The following CFAP157 variants were observed in gnomAD, a reference collection of about 807,000 sequenced individuals.
The protein encoded by CFAP157 is cilia and flagella associated protein 157, also known as cilia- and flagella-associated protein 157.
In CFAP157, 43 loss-of-function variants were observed where a neutral mutation model predicts 57.8. That is an observed-to-expected ratio of 0.74 (90% confidence interval 0.58 to 0.96). The LOEUF (loss-of-function observed/expected upper bound fraction) is 0.96. Among genes scored for constraint, CFAP157 ranks in the 40% least tolerant of loss-of-function variants. CFAP157 has a pLI of 0.00. For synonymous variants in CFAP157, 267 were observed against 269.0 expected (o/e 0.99, Z 0.07); for missense variants, 606 against 655.3 (o/e 0.92, Z 0.82).
chr9:127,715,378 C>T lies in CFAP157; in HGVS notation c.*1473C>T. ...TCCAGAAGGCTGGGCAGGCAGGGCG[C>T]CCTAGTGCAGGAACGGAGCTTCAAG... On this transcript the variant is annotated 3_prime_UTR_variant, in exon 9 of 9. Coordinates refer to ENST00000373295, the MANE Select transcript of CFAP157 (RefSeq NM_001012502.3). This position sits in a 1 kb window ranked among gnomAD's most constrained non-coding sequence, Gnocchi z 5.8. 1 of 1,263,386 alleles carries T rather than the reference C, an allele frequency of 7.9e-7. No homozygotes were observed. The highest frequency in any genetic ancestry group is 1.1e-6 in the Non-Finnish European group (1 of 895,516). The allele number at this position is 1,263,386 out of a possible 1,614,324, so 78.3% of individuals were successfully genotyped here. A position where few individuals can be genotyped will look rare whatever the true frequency, so the allele number is the denominator to read the frequency against.
Position 127,715,904 on chromosome 9 carries a change from A to G in CFAP157, c.*1999A>G. 1 of 771,920 alleles carries G rather than the reference A, an allele frequency of 1.3e-6. No homozygotes were observed. Among genetic ancestry groups the G allele is most frequent in the Non-Finnish European group, 2.0e-6 (1 of 491,524 alleles). The allele number at this position is 771,920 out of a possible 1,614,324, so 47.8% of individuals were successfully genotyped here. On this transcript the variant is annotated 3_prime_UTR_variant, in exon 9 of 9. Transcript: ENST00000373295. The surrounding 1 kb of genome is among the most constrained non-coding windows in gnomAD (Gnocchi z 5.8). ...TGACCTTCGGTTGGGAGGCCTTGTT[A>G]TGCCCCCCGCTATGGCCCTGACTTG... is the stretch of plus-strand genomic sequence containing the variant.
chr9:127,715,963 A>C lies in CFAP157; in HGVS notation c.*2058A>C, dbSNP rs549119976. The C allele has an allele frequency of 3.4e-6, 3 of 887,242 alleles. No individual in the cohort carries two copies. In the East Asian group the frequency reaches 7.3e-5, roughly 22 times the overall value. The allele number at this position is 887,242 out of a possible 1,614,324, so 55.0% of individuals were successfully genotyped here. A position where few individuals can be genotyped will look rare whatever the true frequency, so the allele number is the denominator to read the frequency against. The stretch of plus-strand genomic sequence containing the variant: ...ATCTGGCAAGTCCTTTCCCCGCTGT[A>C]GGCCTCAACCTCTCCAGCTAATAAA... On this transcript the variant is annotated 3_prime_UTR_variant, in exon 9 of 9. Transcript: ENST00000373295. The surrounding 1 kb of genome is among the most constrained non-coding windows in gnomAD (Gnocchi z 5.8).
In CFAP157 at chr9:127,707,072, T is replaced by C. The variant is rs1223206311; in HGVS notation, c.41T>C (p.Leu14Pro). 3.1e-6 allele frequency: 5 copies of C among 1,613,762 alleles called. No individual in the cohort carries two copies. The African/African-American group carries it at 4.0e-5, about 13-fold the overall frequency. The part of the protein sequence containing the change: ...KKSVSKAGKE[L>P]EVKKKGGKKE... ...AGTGTGAGCAAGGCAGGCAAGGAGC[T>C]TGAAGTCAAGAAGAAAGGGGGCAAG... The change falls in exon 1 of 9, where the codon CTT (leucine) becomes CCT (proline). Residue 14 changes from leucine (L) to proline (P), a missense_variant. Coordinates refer to ENST00000373295, the MANE Select transcript of CFAP157 (RefSeq NM_001012502.3).
rs1267327768 is a variant in CFAP157, at chr9:127,709,684, ATCATCC to A, written c.426_431del (p.Ile143_Leu144del). ...CAAGGACCAGCTCACCACGGAGAAC[ATCATCC>A]TTGGTGAGGAGGGGACTGGCTGGTG... On this transcript the variant is annotated inframe_deletion, in exon 2 of 9. Transcript: ENST00000373295. This position sits in a 1 kb window ranked among gnomAD's most constrained non-coding sequence, Gnocchi z 4.7. The A allele has an allele frequency of 1.9e-6, 3 of 1,613,038 alleles. No individual in the cohort carries two copies. In the African/African-American group the frequency reaches 4.0e-5, roughly 22 times the overall value.
intron 5 of CFAP157, 53 bp from the exon 6 acceptor site, chr9:127,712,146 C>T: frequency 6.2e-7 from 1 of 1,601,894 alleles, no homozygotes; most frequent in East Asian, 2.2e-5. Flanking sequence ...CCCCAGGTGG[C>T]CCCAGTCCTG....
Position 127,715,392 on chromosome 9 carries a change from C to A in CFAP157, c.*1487C>A, listed in dbSNP as rs1213452117. On this transcript the variant is annotated 3_prime_UTR_variant, in exon 9 of 9. Transcript: ENST00000373295. This position sits in a 1 kb window ranked among gnomAD's most constrained non-coding sequence, Gnocchi z 5.8. ...CAGGCAGGGCGCCCTAGTGCAGGAA[C>A]GGAGCTTCAAGAAGTTTGGAGCCCG... The A allele has an allele frequency of 2.3e-6, 3 of 1,315,116 alleles. No homozygotes were observed. The highest frequency in any genetic ancestry group is 1.5e-5 in the African/African-American group (1 of 68,566). The allele number at this position is 1,315,116 out of a possible 1,614,324, so 81.5% of individuals were successfully genotyped here.
chr9:127,712,638 T>G (rs1842793219), intron 6 of CFAP157, 71 bp from the exon 7 acceptor site: 1 of 1,612,038 alleles, frequency 6.2e-7, no homozygotes, highest in East Asian at 2.2e-5. Context: ...GGCACTGAGG[T>G]TGGAATTTCC....
At chr9:127,711,989 G>C (rs1451478687) in intron 5 of CFAP157, 39 bp downstream of exon 5, 1 of 1,579,970 alleles carries the variant, frequency 6.3e-7, no homozygotes, top group African/African-American at 1.3e-5. Context: ...GCGGGTGCAG[G>C]CTGGGGCCAA....
Position 127,709,751 on chromosome 9 carries a change from CCT to C in CFAP157, c.433+59_433+60del. ...CACACATCCCAGCTCTATCACTGAC[CCT>C]GTTTCTCACCTGGGAAACAGGGATA... On this transcript the variant is annotated intron_variant, in intron 2 of 8. Coordinates refer to ENST00000373295, the MANE Select transcript of CFAP157 (RefSeq NM_001012502.3). The surrounding 1 kb of genome is among the most constrained non-coding windows in gnomAD (Gnocchi z 4.7). 1 of 1,552,528 alleles carries C rather than the reference CCT, an allele frequency of 6.4e-7. No individual in the cohort carries two copies. Among genetic ancestry groups the C allele is most frequent in the Non-Finnish European group, 8.8e-7 (1 of 1,142,322 alleles).
chr9:127,711,764 T>TGA, intron 4 of CFAP157, 56 bp from the exon 5 acceptor site: 1 of 1,530,682 alleles, frequency 6.5e-7, no homozygotes, highest in Non-Finnish European at 8.8e-7. Context: ...CCTGGCTGTG[T>TGA]CTGCAGCTGG....
In CFAP157 at chr9:127,714,607, C is replaced by T. The variant is rs1842875086; in HGVS notation, c.*702C>T. On this transcript the variant is annotated 3_prime_UTR_variant, in exon 9 of 9. Coordinates refer to ENST00000373295, the MANE Select transcript of CFAP157 (RefSeq NM_001012502.3). ...CTGACCATCTCAGGACCTCACCTGG[C>T]ACTGCCCCCCAGCTTCAGAGCCAGT... 5.6e-6 allele frequency: 9 copies of T among 1,613,618 alleles called. No homozygotes were observed. Among genetic ancestry groups the T allele is most frequent in the Non-Finnish European group, 7.6e-6 (9 of 1,179,744 alleles).
Position 127,709,522 on chromosome 9 carries a change from A to G in CFAP157, c.262A>G (p.Lys88Glu), listed in dbSNP as rs2131586051. Residue 88 changes from lysine to glutamate, a missense_variant, in exon 2 of 9, where the codon AAG (lysine) becomes GAG (glutamate). Coordinates refer to ENST00000373295, the MANE Select transcript of CFAP157 (RefSeq NM_001012502.3). This position sits in a 1 kb window ranked among gnomAD's most constrained non-coding sequence, Gnocchi z 4.7. ...CAAGAAGGAGATTGTGGCCTTCCTC[A>G]AGCGCACGCTCAACCAGCAGGTGGA... is the stretch of plus-strand genomic sequence containing the variant. ...NNKKEIVAFL[K>E]RTLNQQVDEI... The G allele has an allele frequency of 1.2e-6, 2 of 1,614,102 alleles. No individual in the cohort carries two copies. Among genetic ancestry groups the G allele is most frequent in the East Asian group, 2.2e-5 (1 of 44,886 alleles).
rs1209167304 is a variant in CFAP157 at position 127,709,777 on chromosome 9, T to A, written c.433+84T>A. On this transcript the variant is annotated intron_variant, in intron 2 of 8. Transcript: ENST00000373295. This position sits in a 1 kb window ranked among gnomAD's most constrained non-coding sequence, Gnocchi z 4.7. The stretch of plus-strand genomic sequence containing the variant: ...CTGTTTCTCACCTGGGAAACAGGGA[T>A]AATAGCCACATGCTGCTTGGCACAC... 1 of 1,428,298 alleles carries A rather than the reference T, an allele frequency of 7.0e-7. No individual in the cohort carries two copies. Among genetic ancestry groups the A allele is most frequent in the Non-Finnish European group, 9.5e-7 (1 of 1,048,010 alleles). The allele number at this position is 1,428,298 out of a possible 1,614,324, so 88.5% of individuals were successfully genotyped here.
In CFAP157 at chr9:127,710,282, C is replaced by CAA. The variant is rs60165824; in HGVS notation, c.434-303_434-302dup. Among the ~76,000 whole-genome samples the CAA allele has an allele frequency of 1.4e-3, 119 of 82,566 alleles. 1 individual carries two copies. The highest frequency in any genetic ancestry group is 1.9e-3 in the African/African-American group (38 of 20,164). 54.2% of individuals were successfully genotyped at this position (82,566 alleles called of 152,430 possible). On this transcript the variant is annotated intron_variant, in intron 2 of 8. Transcript: ENST00000373295. Reference sequence around the variant, plus strand: ...TGAGTGACAGAGGAAGACCCTGTCTCAAAAAAAAAAAAAAAAACAAAACAG... The same window carrying CAA: ...TGAGTGACAGAGGAAGACCCTGTCTCAAAAAAAAAAAAAAAAAAACAAAACAG...
At chr9:127,708,414 T>G (rs1402150372) in intron 1 of CFAP157, among the ~76,000 whole-genome samples, 1 of 152,050 alleles carries the variant, frequency 6.6e-6, no homozygotes, top group South Asian at 2.1e-4. Context: ...GAGGCAGAGG[T>G]TGCAGAGAGC....
chr9:127,710,247 C>T (rs1211433693), intron 2 of CFAP157, among the ~76,000 whole-genome samples: 1 of 147,792 alleles, frequency 6.8e-6, no homozygotes, highest in East Asian at 2.0e-4. Context: ...TGTGCCACTG[C>T]ACTCCAGCCT....
chr9:127,711,988 GGCTGGGGCCAA>G, intron 5 of CFAP157, 38 bp downstream of exon 5: 1 of 1,580,854 alleles, frequency 6.3e-7, no homozygotes, highest in Non-Finnish European at 8.6e-7. Context: ...GGCGGGTGCA[GGCTGGGGCCAA>G]GCTCTGGCCC....
chr9:127,712,543 T>G, intron 6 of CFAP157, 166 bp from the exon 7 acceptor site: 1 of 1,518,126 alleles, frequency 6.6e-7, no homozygotes, highest in Non-Finnish European at 8.9e-7. Context: ...ATTCCTTCTC[T>G]GAGGCTCTGA....
At chr9:127,710,818 A>G (rs1842749512) in intron 3 of CFAP157, 64 bp downstream of exon 3, 3 of 1,523,964 alleles carry the variant, frequency 2.0e-6, no homozygotes, top group East Asian at 2.5e-5. Context: ...CGAACATCCT[A>G]GTCTTCAGGC....
Sources: gnomAD v4.1 joint callset for allele counts (sites outside exome capture counted in the v4.1 genomes callset) on GRCh38, gnomAD v4.1.1 for gene constraint, Gnocchi (gnomAD v3.1) non-coding constraint, MANE v1.5 for transcripts, NCBI Gene and HGNC (gene_info 2026-07-23, HGNC 2026-07-21) for gene names.